Variants in NXPE2 observed in about 807,000 individuals in gnomAD.
The protein encoded by NXPE2 is neurexophilin and PC-esterase domain family member 2.
A neutral mutation model predicts 34.4 loss-of-function variants in NXPE2; 34 were observed. That is an observed-to-expected ratio of 0.99 (90% CI 0.75 to 1.31). The LOEUF (loss-of-function observed/expected upper bound fraction) is 1.31. Among genes scored for constraint, NXPE2 ranks in the 40% most tolerant of loss-of-function variants. The pLI, the probability that NXPE2 is intolerant of heterozygous loss-of-function variation, is 0.00. For missense variants in NXPE2, 649 were observed against 672.5 expected (o/e 0.97, Z 0.39); for synonymous variants, 235 against 231.3 (o/e 1.02, Z -0.15).
the NXPE2 span, among the ~76,000 whole-genome samples, chr11:114,728,923 A>G: frequency 6.6e-6 from 1 of 152,084 alleles, no homozygotes; most frequent in African/African-American, 2.4e-5. Flanking sequence ...TAATTTTTAA[A>G]TATTTTCCAT....
Position 114,698,562 on chromosome 11 carries a change from C to A in NXPE2, c.650C>A (p.Thr217Asn). The change falls in exon 3 of 6, where the codon ACT (threonine) becomes AAT (asparagine). Residue 217 changes from threonine (T) to asparagine (N), a missense_variant. By Grantham distance (65) the Thr-to-Asn change is moderately conservative. Coordinates refer to ENST00000389586, the MANE Select transcript of NXPE2 (RefSeq NM_182495.6). ...CAAGGATGTGATAGGATCATCTTCA[C>A]TGGCCTGTTTGCCAACAGAAGCTCC... ...RNQGCDRIIF[T>N]GLFANRSSNV... 1 of 1,614,204 alleles carries A rather than the reference C, an allele frequency of 6.2e-7. No homozygotes were observed. Among genetic ancestry groups the A allele is most frequent in the South Asian group, 1.1e-5 (1 of 91,086 alleles).
At chr11:114,789,000 T>C in the NXPE2 span, among the ~76,000 whole-genome samples, 1 of 152,300 alleles carries the variant, frequency 6.6e-6, no homozygotes, top group South Asian at 2.1e-4. Context: ...TCTTTGCCAA[T>C]AAGAAATGCT....
At chr11:114,651,318 C>T in the NXPE2 span, among the ~76,000 whole-genome samples, 3 of 151,570 alleles carry the variant, frequency 2.0e-5, no homozygotes, top group South Asian at 6.3e-4. Context: ...AGCCGCAGAC[C>T]TTGTTACAGC....
At chr11:114,635,425 C>T in the NXPE2 span, among the ~76,000 whole-genome samples, 4 of 151,520 alleles carry the variant, frequency 2.6e-5, no homozygotes, top group African/African-American at 9.7e-5. Context: ...GACAATTTGA[C>T]TTCCTCTTTT....
chr11:114,530,355 G>A, the NXPE2 span: 4 of 1,614,226 alleles, frequency 2.5e-6, no homozygotes, highest in Non-Finnish European at 3.4e-6. Context: ...GCCACATTCA[G>A]TGAAGACATG....
At chr11:114,467,961 A>C in the NXPE2 span, among the ~76,000 whole-genome samples, 1 of 151,840 alleles carries the variant, frequency 6.6e-6, no homozygotes, top group Non-Finnish European at 1.5e-5. Flanking sequence ...ACAAAAAAAC[A>C]AAAAAACAGA....
At chr11:114,564,198 C>T in the NXPE2 span, among the ~76,000 whole-genome samples, 1 of 152,112 alleles carries the variant, frequency 6.6e-6, no homozygotes, top group Non-Finnish European at 1.5e-5. Flanking sequence ...TGAAGTAACT[C>T]AGGAATGGAA....
At chr11:114,621,366 T>A in the NXPE2 span, among the ~76,000 whole-genome samples, 11 of 151,858 alleles carry the variant, frequency 7.2e-5, no homozygotes, top group South Asian at 2.1e-3. Context: ...AATACTGTTA[T>A]CTGCTGCATA....
At chr11:114,769,213 C>T in the NXPE2 span, among the ~76,000 whole-genome samples, 2 of 151,708 alleles carry the variant, frequency 1.3e-5, no homozygotes, top group Non-Finnish European at 2.9e-5. Context: ...AAAAAAAAAG[C>T]TCATCACCAT....
At chr11:114,767,310 C>T in the NXPE2 span, among the ~76,000 whole-genome samples, 5 of 152,100 alleles carry the variant, frequency 3.3e-5, no homozygotes, top group African/African-American at 7.2e-5. Context: ...TTGATATTAT[C>T]GTTATCCTGC....
the NXPE2 span, among the ~76,000 whole-genome samples, chr11:114,733,057 TC>T: frequency 6.6e-6 from 1 of 152,190 alleles, no homozygotes; most frequent in Non-Finnish European, 1.5e-5. Flanking sequence ...GAATTCAGTG[TC>T]TTTTTTTGTA....
chr11:114,786,567 T>C, the NXPE2 span, among the ~76,000 whole-genome samples: 1 of 152,180 alleles, frequency 6.6e-6, no homozygotes, highest in Non-Finnish European at 1.5e-5. Context: ...AATTACCCTT[T>C]AAACTCAAAG....
chr11:114,551,036 G>A, the NXPE2 span: 3 of 828,476 alleles, frequency 3.6e-6, no homozygotes, highest in East Asian at 8.0e-5. Context: ...GAGTGGGACT[G>A]ACTTGAGGCA....
chr11:114,766,657 C>T, the NXPE2 span, among the ~76,000 whole-genome samples: 1 of 151,590 alleles, frequency 6.6e-6, no homozygotes, highest in Non-Finnish European at 1.5e-5. Flanking sequence ...TTTCTTTAGC[C>T]TTTAAGACTT....
chr11:114,573,731 C>CA, the NXPE2 span, among the ~76,000 whole-genome samples: 29 of 151,084 alleles, frequency 1.9e-4, no homozygotes, highest in Admixed American at 9.9e-4. Context: ...ACTAATAGAC[C>CA]AAAAAAAATG....
chr11:114,674,987 G>A (rs1435912142), upstream of NXPE2, among the ~76,000 whole-genome samples: 1 of 151,732 alleles, frequency 6.6e-6, no homozygotes, highest in Non-Finnish European at 1.5e-5. Flanking sequence ...TGGATGCAAG[G>A]ATGGTTCAAC....
chr11:114,736,017 A>C, the NXPE2 span, among the ~76,000 whole-genome samples: 1 of 152,186 alleles, frequency 6.6e-6, no homozygotes, highest in Non-Finnish European at 1.5e-5. Context: ...ATGCCCCCTG[A>C]GCCATAAAAC....
At chr11:114,552,202 T>C in the NXPE2 span, 4 of 152,176 alleles carry the variant, frequency 2.6e-5, no homozygotes, top group Non-Finnish European at 4.4e-5. Flanking sequence ...GCAACTCATA[T>C]TGAATCACTA....
the NXPE2 span, among the ~76,000 whole-genome samples, chr11:114,760,777 T>C: frequency 1.3e-5 from 2 of 152,100 alleles, no homozygotes; most frequent in Non-Finnish European, 2.9e-5. Flanking sequence ...CCAGGGACAA[T>C]CAATTAATAA....
Sources: allele counts gnomAD v4.1 joint callset (sites outside exome capture counted in the v4.1 genomes callset), GRCh38; gene constraint gnomAD v4.1.1; transcripts MANE v1.5; gene names NCBI Gene and HGNC (gene_info 2026-07-23, HGNC 2026-07-21).